Variants in SPOCK3 observed in about 807,000 individuals in gnomAD.
The protein encoded by SPOCK3 is SPARC (osteonectin), cwcv and kazal like domains proteoglycan 3.
SPOCK3 carries 30 observed loss-of-function variants against 56.6 expected under a neutral mutation model. The ratio of observed to expected loss-of-function variants is 0.53; its 90% confidence interval spans 0.40 to 0.72. The LOEUF is 0.72. Ranked by LOEUF, SPOCK3 falls within the 30% of genes least tolerant of loss-of-function variation. The pLI is 0.00. For synonymous variants in SPOCK3, 196 were observed against 183.3 expected (o/e 1.07, Z -0.56); for missense variants, 527 against 530.0 (o/e 0.99, Z 0.06).
intron 4 of SPOCK3, among the ~76,000 whole-genome samples, chr4:166,935,422 C>A (rs1426908823): frequency 1.3e-5 from 2 of 152,160 alleles, no homozygotes; most frequent in African/African-American, 4.8e-5. Flanking sequence ...GGAACCAACA[C>A]AAACATGAAG....
At chr4:167,165,621 A>G (rs1024243520) in intron 2 of SPOCK3, among the ~76,000 whole-genome samples, 2 of 152,140 alleles carry the variant, frequency 1.3e-5, no homozygotes, top group Non-Finnish European at 2.9e-5. Context: ...TTCAATTCCT[A>G]GAAATTAGAA....
intron 5 of SPOCK3, among the ~76,000 whole-genome samples, chr4:166,897,283 G>A (rs1306197364): frequency 6.6e-6 from 1 of 152,110 alleles, no homozygotes; most frequent in African/African-American, 2.4e-5. Context: ...ATGTATTGCT[G>A]TGCCTTGTGG....
intron 2 of SPOCK3, among the ~76,000 whole-genome samples, chr4:167,224,257 C>A (rs1176230071): frequency 6.6e-6 from 1 of 151,778 alleles, no homozygotes; most frequent in Non-Finnish European, 1.5e-5. Context: ...ACTTAATTAC[C>A]ATAGTTAGCT....
chr4:167,091,267 A>C (rs559085221), intron 2 of SPOCK3, among the ~76,000 whole-genome samples: 1 of 152,334 alleles, frequency 6.6e-6, no homozygotes, highest in South Asian at 2.1e-4. Context: ...TAACAAAAAT[A>C]GCATATTATT....
chr4:166,771,841 A>T (rs1352715115), intron 7 of SPOCK3, among the ~76,000 whole-genome samples: 1 of 152,088 alleles, frequency 6.6e-6, no homozygotes, highest in Non-Finnish European at 1.5e-5. Flanking sequence ...TACATGGTAC[A>T]TCATAAAATT....
At chr4:166,850,946 C>T (rs1418529583) in intron 6 of SPOCK3, among the ~76,000 whole-genome samples, 13 of 152,196 alleles carry the variant, frequency 8.5e-5, no homozygotes, top group Non-Finnish European at 1.6e-4. Context: ...CCAGGAAGCT[C>T]GAACTGGGTG....
chr4:166,968,857 AC>A (rs1745047865), intron 4 of SPOCK3, among the ~76,000 whole-genome samples: 2 of 152,118 alleles, frequency 1.3e-5, no homozygotes, highest in African/African-American at 4.8e-5. Context: ...TGCACCATGC[AC>A]CTAGAAAAGC....
intron 4 of SPOCK3, among the ~76,000 whole-genome samples, chr4:166,916,007 T>C (rs920065371): frequency 1.3e-5 from 2 of 152,134 alleles, no homozygotes; most frequent in African/African-American, 4.8e-5. Context: ...TTTCAGACAA[T>C]TATTTTTTCA....
chr4:167,118,301 C>T (rs910435701), intron 2 of SPOCK3, among the ~76,000 whole-genome samples: 3 of 152,090 alleles, frequency 2.0e-5, no homozygotes, highest in Non-Finnish European at 2.9e-5. Flanking sequence ...TGCTTTCTTA[C>T]TAGAGGAGCT....
intron 2 of SPOCK3, among the ~76,000 whole-genome samples, chr4:167,214,404 A>G (rs561904005): frequency 6.6e-6 from 1 of 152,142 alleles, no homozygotes; most frequent in Admixed American, 6.5e-5. Flanking sequence ...TTATCAGCAA[A>G]TAGAAAAAAA....
chr4:166,776,385 T>C (rs1040051437), intron 7 of SPOCK3, among the ~76,000 whole-genome samples: 2 of 151,998 alleles, frequency 1.3e-5, no homozygotes, highest in Admixed American at 1.3e-4. Flanking sequence ...TGCACTCCAG[T>C]CTGGTGACAG....
chr4:166,965,839 T>C (rs1441258142), intron 4 of SPOCK3, among the ~76,000 whole-genome samples: 3 of 152,090 alleles, frequency 2.0e-5, no homozygotes, highest in African/African-American at 7.2e-5. Flanking sequence ...TGAAGCCATA[T>C]TGACACATTA....
chr4:167,089,158 C>CAT (rs551388028), intron 2 of SPOCK3, among the ~76,000 whole-genome samples: 9 of 151,638 alleles, frequency 5.9e-5, no homozygotes, highest in South Asian at 2.1e-4. Context: ...TGTGTGTGTA[C>CAT]ATATATATAT....
At chr4:167,159,700 C>T (rs572230999) in intron 2 of SPOCK3, among the ~76,000 whole-genome samples, 43 of 152,140 alleles carry the variant, frequency 2.8e-4, no homozygotes, top group African/African-American at 8.7e-4. Flanking sequence ...CCATGATCAA[C>T]TGGGCTTCAT....
At chr4:166,755,195 T>C (rs1049448478) in intron 7 of SPOCK3, among the ~76,000 whole-genome samples, 2 of 152,132 alleles carry the variant, frequency 1.3e-5, no homozygotes, top group African/African-American at 2.4e-5. Flanking sequence ...AATAATTCCC[T>C]ATATCTTGGT....
chr4:166,773,946 A>G (rs906213905), intron 7 of SPOCK3, among the ~76,000 whole-genome samples: 1 of 152,214 alleles, frequency 6.6e-6, no homozygotes, highest in Admixed American at 6.5e-5. Flanking sequence ...TTTTTGGTAA[A>G]GGTTTTCTCC....
At chr4:167,221,230 T>C (rs1735883517) in intron 2 of SPOCK3, among the ~76,000 whole-genome samples, 1 of 151,582 alleles carries the variant, frequency 6.6e-6, no homozygotes, top group South Asian at 2.1e-4. Context: ...TAGCCACACA[T>C]GGTGGTACAT....
chr4:167,144,167 C>T (rs1271436925), intron 2 of SPOCK3, among the ~76,000 whole-genome samples: 1 of 151,900 alleles, frequency 6.6e-6, no homozygotes, highest in African/African-American at 2.4e-5. Flanking sequence ...TTGGTGATAT[C>T]TATAAGCTCA....
Position 166,748,336 on chromosome 4 carries a change from T to C in SPOCK3, c.931+6172A>G, listed in dbSNP as rs1378461022. ...GAGCCCTCAGAAATAATACCACACA[T>C]CTACAACCATCTGATCTTTGACAAA... On this transcript the variant is annotated intron_variant, in intron 8 of 10. Transcript: ENST00000357545. 1.5e-5 allele frequency among the ~76,000 whole-genome samples: 2 copies of C among 136,214 alleles called. 1 individual carries two copies. Among genetic ancestry groups the C allele is most frequent in the Non-Finnish European group, 3.1e-5 (2 of 64,448 alleles). The allele number at this position is 136,214 out of a possible 152,430, so 89.4% of individuals were successfully genotyped here. A position where few individuals can be genotyped will look rare whatever the true frequency, so the allele number is the denominator to read the frequency against.
Sources: gnomAD v4.1 joint callset for allele counts (sites outside exome capture counted in the v4.1 genomes callset) on GRCh38, gnomAD v4.1.1 for gene constraint, MANE v1.5 for transcripts, NCBI Gene and HGNC (gene_info 2026-07-23, HGNC 2026-07-21) for gene names.